The following FUBP3 variants were observed in gnomAD, a reference collection of about 807,000 sequenced individuals.
FUBP3 encodes far upstream element binding protein 3, also known as far upstream element-binding protein 3.
A neutral mutation model predicts 85.6 loss-of-function variants in FUBP3; 28 were observed. That is an observed-to-expected ratio of 0.33 (90% CI 0.24 to 0.45). FUBP3 has a LOEUF of 0.45. Among genes scored for constraint, FUBP3 ranks in the 20% least tolerant of loss-of-function variants. The pLI is 1.00. For missense variants in FUBP3, 583 were observed against 755.1 expected (o/e 0.77, Z 2.67); for synonymous variants, 271 against 271.4 (o/e 1.00, Z 0.01).
chr9:130,586,522 C>T (rs1268511792), intron 1 of FUBP3, among the ~76,000 whole-genome samples: 3 of 151,732 alleles, frequency 2.0e-5, no homozygotes, highest in Non-Finnish European at 4.4e-5. Flanking sequence ...CTTCCTCAGC[C>T]TCCCCAGTAG....
At chr9:130,630,172 G>T (rs774801261) in intron 12 of FUBP3, among the ~76,000 whole-genome samples, 7 of 152,230 alleles carry the variant, frequency 4.6e-5, no homozygotes, top group Non-Finnish European at 1.0e-4. Context: ...TATGGAGAAA[G>T]TTGCCCACAG....
intron 15 of FUBP3, 71 bp downstream of exon 15, chr9:130,632,093 C>G: frequency 6.8e-7 from 1 of 1,479,972 alleles, no homozygotes. Context: ...TGCCGACAGG[C>G]AAGGGTCCGG....
rs757066522 is a variant in FUBP3 at position 130,630,628 on chromosome 9, G to T, written c.1118G>T (p.Gly373Val). ...ADKCGLVIGKGGENIKSINQQ... is the reference protein window; with the variant it reads ...ADKCGLVIGKVGENIKSINQQ... The stretch of plus-strand genomic sequence containing the variant: ...TCTGCCTGTGTTGTGCTGTCCGCAG[G>T]GGGTGAGAACATCAAAAGCATCAAC... The change falls in exon 13 of 19, where the codon GGG becomes GTG. Residue 373 changes from glycine to valine, a missense_variant and splice_region_variant. This residue lies in a region of FUBP3 where 404 missense variants were observed against 516.8 expected (regional missense o/e 0.78). Transcript: ENST00000319725. 2.5e-6 allele frequency: 4 copies of T among 1,594,372 alleles called. No individual in the cohort carries two copies. The highest frequency in any genetic ancestry group is 1.4e-5 in the African/African-American group (1 of 73,112).
intron 11 of FUBP3, 116 bp from the exon 12 acceptor site, chr9:130,626,248 A>T: frequency 9.6e-7 from 1 of 1,041,742 alleles, no homozygotes; most frequent in Non-Finnish European, 1.4e-6. Flanking sequence ...GAAAGGTGCT[A>T]GGTTCTGATG....
chr9:130,590,714 C>T (rs910242910), intron 1 of FUBP3, among the ~76,000 whole-genome samples: 5 of 152,128 alleles, frequency 3.3e-5, no homozygotes, highest in African/African-American at 1.2e-4. Flanking sequence ...GGGCTCTGTG[C>T]ACTGGAAGTC....
At chr9:130,591,658 C>T (rs1805101681) in intron 1 of FUBP3, among the ~76,000 whole-genome samples, 1 of 152,130 alleles carries the variant, frequency 6.6e-6, no homozygotes, top group Non-Finnish European at 1.5e-5. Context: ...AATGCAGTTT[C>T]CTCACTTCAG....
At chr9:130,620,676 C>T (rs1303288574) in intron 9 of FUBP3, among the ~76,000 whole-genome samples, 4 of 152,086 alleles carry the variant, frequency 2.6e-5, no homozygotes, top group Admixed American at 6.6e-5. Flanking sequence ...CCATTTCCCT[C>T]GGTTTTGAAG....
chr9:130,593,444 T>C (rs552661697), intron 1 of FUBP3, among the ~76,000 whole-genome samples: 2 of 152,336 alleles, frequency 1.3e-5, no homozygotes, highest in East Asian at 3.9e-4. Flanking sequence ...TGTGTTCAAG[T>C]ATTCCTCCGC....
intron 2 of FUBP3, among the ~76,000 whole-genome samples, chr9:130,609,031 T>C (rs1831606070): frequency 6.6e-6 from 1 of 152,252 alleles, no homozygotes; most frequent in African/African-American, 2.4e-5. Flanking sequence ...GACGTATTTC[T>C]GAATGCCCTT....
At chr9:130,624,917 C>A (rs1223238315) in intron 11 of FUBP3, among the ~76,000 whole-genome samples, 2 of 152,074 alleles carry the variant, frequency 1.3e-5, no homozygotes, top group African/African-American at 4.8e-5. Flanking sequence ...GAAACCCTGT[C>A]TCTGCTGAAA....
At chr9:130,589,695 ATATATATATATTT>A (rs1455400065) in intron 1 of FUBP3, among the ~76,000 whole-genome samples, 4 of 29,992 alleles carry the variant, frequency 1.3e-4, no homozygotes. Flanking sequence ...ATATATATAT[ATATATATATATTT>A]TTTTTTTTTT....
chr9:130,611,123 G>A (rs557001674), intron 3 of FUBP3, among the ~76,000 whole-genome samples: 49 of 152,264 alleles, frequency 3.2e-4, no homozygotes, highest in African/African-American at 1.1e-3. Flanking sequence ...CCTGGGCTTC[G>A]TGACATTTTG....
chr9:130,634,455 C>G (rs895686036), intron 16 of FUBP3, among the ~76,000 whole-genome samples: 1 of 152,210 alleles, frequency 6.6e-6, no homozygotes, highest in African/African-American at 2.4e-5. Flanking sequence ...TTGCTAGTTG[C>G]CTCGTGTGCC....
In FUBP3 at chr9:130,625,660, C is replaced by T. The variant is rs527446860; in HGVS notation, c.976-704C>T. On this transcript the variant is annotated intron_variant, in intron 11 of 18. Coordinates refer to ENST00000319725, the MANE Select transcript of FUBP3 (RefSeq NM_003934.2). Reference sequence around the variant, plus strand: ...TCAATGAAAGGGCTCTTCCTCTGTCCGCTGTTAGATTTAGGTTTTTCTCTC... The same window carrying T: ...TCAATGAAAGGGCTCTTCCTCTGTCTGCTGTTAGATTTAGGTTTTTCTCTC... Among the ~76,000 whole-genome samples the T allele has an allele frequency of 1.2e-3, 184 of 152,318 alleles. 2 individuals carry two copies. The highest frequency in any genetic ancestry group is 6.8e-3 in the Middle Eastern group (2 of 294).
At chr9:130,590,505 G>A (rs2119016637) in intron 1 of FUBP3, among the ~76,000 whole-genome samples, 1 of 152,310 alleles carries the variant, frequency 6.6e-6, no homozygotes, top group South Asian at 2.1e-4. Context: ...CTGAAAAGGG[G>A]GAAAATAACT....
chr9:130,634,615 C>T (rs1055676859), intron 16 of FUBP3, 52 bp from the exon 17 acceptor site: 149 of 1,490,040 alleles, frequency 1.0e-4, no homozygotes, highest in Admixed American at 1.7e-4. Context: ...GGGCTGGGGC[C>T]GAGGCTGTGA....
rs550969640 is a variant in FUBP3, at chr9:130,637,186, T to C, written c.*164T>C. The C allele has an allele frequency of 4.7e-6, 3 of 633,654 alleles. No homozygotes were observed. The highest frequency in any genetic ancestry group is 5.5e-5 in the East Asian group (2 of 36,362). 39.3% of individuals were successfully genotyped at this position (633,654 alleles called of 1,614,324 possible). A position where few individuals can be genotyped will look rare whatever the true frequency, so the allele number is the denominator to read the frequency against. On this transcript the variant is annotated 3_prime_UTR_variant, in exon 19 of 19. Coordinates refer to ENST00000319725, the MANE Select transcript of FUBP3 (RefSeq NM_003934.2). The stretch of plus-strand genomic sequence containing the variant: ...GAATTTTTCTAAAAATCAGGAAAAT[T>C]AGTTACTAAAAATTGCTGATCATTT...
In FUBP3 at chr9:130,594,993, A is replaced by G. The variant is rs561718556; in HGVS notation, c.85-490A>G. ...TATAATCCCAGCACTTTGAGAGGCC[A>G]AGGGGGGCAGATCACCCGAGGTTGG... On this transcript the variant is annotated intron_variant, in intron 1 of 18. Transcript: ENST00000319725. Among the ~76,000 whole-genome samples the G allele has an allele frequency of 2.6e-5, 4 of 151,906 alleles. No individual in the cohort carries two copies. In the South Asian group the frequency reaches 8.3e-4, roughly 32 times the overall value.
Position 130,620,405 on chromosome 9 carries a change from T to A in FUBP3, c.718T>A (p.Phe240Ile), listed in dbSNP as rs1347022383. ...TATCCGAGAAAAAGACCAAGCTGAC[T>A]TTCGGGGTGTACGCGGCGATTTCAA... ...EIIREKDQAD[F>I]RGVRGDFNSR... The change falls in exon 9 of 19, where the codon TTT becomes ATT. Residue 240 changes from phenylalanine (F) to isoleucine (I), a missense_variant. By Grantham distance (21) the Phe-to-Ile change is conservative (BLOSUM62 0). Coordinates refer to ENST00000319725, the MANE Select transcript of FUBP3 (RefSeq NM_003934.2). The A allele has an allele frequency of 6.2e-7, 1 of 1,606,574 alleles. No homozygotes were observed. Among genetic ancestry groups the A allele is most frequent in the South Asian group, 1.1e-5 (1 of 89,670 alleles).
Sources: gnomAD v4.1 joint callset for allele counts (sites outside exome capture counted in the v4.1 genomes callset) on GRCh38, gnomAD v4.1.1 for gene constraint, gnomAD v4.1.1 regional missense constraint, MANE v1.5 for transcripts, NCBI Gene and HGNC (gene_info 2026-07-23, HGNC 2026-07-21) for gene names.